Variants in VARS2 observed in about 807,000 individuals in gnomAD.
VARS2 encodes the protein valyl-tRNA synthetase 2, mitochondrial, also known as valine--tRNA ligase, mitochondrial.
VARS2 carries 105 observed loss-of-function variants against 154.1 expected under a neutral mutation model. That is an observed-to-expected ratio of 0.68 (90% CI 0.58 to 0.80). The LOEUF is 0.80. VARS2 is among the 30% of genes least tolerant of loss of function. VARS2 has a pLI of 0.00. For synonymous variants in VARS2, 483 were observed against 539.5 expected (o/e 0.90, Z 1.45); for missense variants, 1,157 against 1,361.4 (o/e 0.85, Z 2.36).
chr6:30,914,975 A>G lies in VARS2; in HGVS notation c.139A>G (p.Lys47Glu), dbSNP rs1381066402. Residue 47 changes from lysine (K) to glutamate (E), a missense_variant, in exon 2 of 30, where the codon AAA becomes GAA. Lys to Glu is a moderately conservative substitution (Grantham distance 56, BLOSUM62 1). Coordinates refer to ENST00000676266, the MANE Select transcript of VARS2 (RefSeq NM_020442.6). ...CATCTCCCGGAGGAACCGTGAAGCC[A>G]AACAGAAGCGCCTGCGAGAGAAGCA... ...SPISRRNREA[K>E]QKRLREKQAT... 2.5e-6 allele frequency: 4 copies of G among 1,613,072 alleles called. No individual in the cohort carries two copies. The highest frequency in any genetic ancestry group is 3.4e-6 in the Non-Finnish European group (4 of 1,180,050).
chr6:30,918,788 A>G, intron 10 of VARS2, 39 bp from the exon 11 acceptor site: 1 of 1,223,642 alleles, frequency 8.2e-7, no homozygotes, highest in Non-Finnish European at 1.2e-6. Flanking sequence ...AGAGGTGAGG[A>G]TGATGACCAG....
At chr6:30,922,652 T>C (rs1794596950) in intron 21 of VARS2, 54 bp from the exon 22 acceptor site, 1 of 1,591,034 alleles carries the variant, frequency 6.3e-7, no homozygotes, top group African/African-American at 1.3e-5. Flanking sequence ...GGTGTGACCC[T>C]TATAGAGGCA....
Position 30,921,398 on chromosome 6 carries a change from T to A in VARS2, c.1632+93T>A, listed in dbSNP as rs968074611. Reference sequence around the variant, plus strand: ...CGCAGGGCCAAGTCCCGCTCCTGCCTGGTCATGTGCTTCATGCTCATAGTC... The same window carrying A: ...CGCAGGGCCAAGTCCCGCTCCTGCCAGGTCATGTGCTTCATGCTCATAGTC... On this transcript the variant is annotated intron_variant, in intron 17 of 29. Coordinates refer to ENST00000676266, the MANE Select transcript of VARS2 (RefSeq NM_020442.6). This position sits in a 1 kb window ranked among gnomAD's most constrained non-coding sequence, Gnocchi z 4.6. The A allele has an allele frequency of 2.0e-6, 3 of 1,517,550 alleles. No individual in the cohort carries two copies. In the African/African-American group the frequency reaches 4.1e-5, roughly 21 times the overall value. The allele number at this position is 1,517,550 out of a possible 1,614,324, so 94.0% of individuals were successfully genotyped here.
chr6:30,921,430 C>A lies in VARS2; in HGVS notation c.1632+125C>A. 1 of 1,438,686 alleles carries A rather than the reference C, an allele frequency of 7.0e-7. No homozygotes were observed. The highest frequency in any genetic ancestry group is 1.4e-5 in the African/African-American group (1 of 71,462). The allele number at this position is 1,438,686 out of a possible 1,614,324, so 89.1% of individuals were successfully genotyped here. A position where few individuals can be genotyped will look rare whatever the true frequency, so the allele number is the denominator to read the frequency against. On this transcript the variant is annotated intron_variant, in intron 17 of 29. Transcript: ENST00000676266. This position sits in a 1 kb window ranked among gnomAD's most constrained non-coding sequence, Gnocchi z 4.6. ...GTGCTTCATGCTCATAGTCATGTAA[C>A]CTTCTGCGCGATCAAGGCTCCCTGA...
chr6:30,919,239 C>T lies in VARS2; in HGVS notation c.1074+324C>T, dbSNP rs1794356760. The T allele has an allele frequency of 8.0e-6, 2 of 250,430 alleles. No homozygotes were observed. Among genetic ancestry groups the T allele is most frequent in the East Asian group, 1.5e-4 (2 of 13,660 alleles). 15.5% of individuals were successfully genotyped at this position (250,430 alleles called of 1,614,324 possible). A position where few individuals can be genotyped will look rare whatever the true frequency, so the allele number is the denominator to read the frequency against. ...GTTCAAGCAATTCTCCTGCCTCAGC[C>T]TCCTGAGTAGCTGGGAGCGTGGCAC... On this transcript the variant is annotated intron_variant, in intron 11 of 29. Transcript: ENST00000676266. This position sits in a 1 kb window ranked among gnomAD's most constrained non-coding sequence, Gnocchi z 4.5.
chr6:30,921,880 A>G lies in VARS2; in HGVS notation c.1736-45A>G, dbSNP rs1794535096. 7 of 1,610,792 alleles carry G rather than the reference A, an allele frequency of 4.3e-6. No homozygotes were observed. The highest frequency in any genetic ancestry group is 1.3e-5 in the African/African-American group (1 of 74,874). ...GGTGGCAGCAGTGGTCTGAGGTCCT[A>G]GAAGCCAAGGTTCCAACTGTCCCCA... On this transcript the variant is annotated intron_variant, in intron 18 of 29. Coordinates refer to ENST00000676266, the MANE Select transcript of VARS2 (RefSeq NM_020442.6). The surrounding 1 kb of genome is among the most constrained non-coding windows in gnomAD (Gnocchi z 4.6).
intron 20 of VARS2, 31 bp from the exon 21 acceptor site, chr6:30,922,418 AC>A: frequency 1.2e-6 from 2 of 1,608,274 alleles, no homozygotes; most frequent in Non-Finnish European, 1.7e-6. Context: ...CTCCAAGGAA[AC>A]CCCCCTCTGT....
intron 24 of VARS2, 59 bp downstream of exon 24, chr6:30,923,290 G>A: frequency 6.2e-7 from 1 of 1,607,314 alleles, no homozygotes; most frequent in Non-Finnish European, 8.5e-7. Context: ...GGCCAAGGTG[G>A]CATCTGGAAG....
In VARS2 at chr6:30,921,647, C is replaced by G; in HGVS notation, c.1691C>G (p.Ala564Gly). 6.2e-7 allele frequency: 1 copy of G among 1,609,056 alleles called. No homozygotes were observed. Among genetic ancestry groups the G allele is most frequent in the Non-Finnish European group, 8.5e-7 (1 of 1,178,998 alleles). Residue 564 changes from alanine to glycine, a missense_variant, in exon 18 of 30, where the codon GCG becomes GGG. By Grantham distance (60) the Ala-to-Gly change is moderately conservative. Transcript: ENST00000676266. The surrounding 1 kb of genome is among the most constrained non-coding windows in gnomAD (Gnocchi z 4.6). ...GAGGCTGAGGCCAGAGAGGTAGCAG[C>G]GGAACTGACAGGGAGGCCAGGGGCA... is the stretch of plus-strand genomic sequence containing the variant. ...RSEAEAREVA[A>G]ELTGRPGAEL...
chr6:30,923,354 T>C lies in VARS2; in HGVS notation c.2315T>C (p.Leu772Pro). Reference protein sequence around the residue: ...EKFVPQPAEELSPSSPMDAWI... With the variant: ...EKFVPQPAEEPSPSSPMDAWI... ...CCATCCTGCCCCCTCTGCCTGCAGC[T>C]GTCTCCCTCCTCCCCGATGGATGCC... Residue 772 changes from leucine (L) to proline (P), a missense_variant and splice_region_variant, in exon 25 of 30, where the codon CTG becomes CCG. Coordinates refer to ENST00000676266, the MANE Select transcript of VARS2 (RefSeq NM_020442.6). The C allele has an allele frequency of 1.9e-6, 3 of 1,609,356 alleles. No individual in the cohort carries two copies. Among genetic ancestry groups the C allele is most frequent in the Non-Finnish European group, 1.7e-6 (2 of 1,177,358 alleles).
chr6:30,919,503 A>G lies in VARS2; in HGVS notation c.1075-255A>G, dbSNP rs1296092337. The G allele has an allele frequency of 2.7e-6, 1 of 365,758 alleles. No individual in the cohort carries two copies. Among genetic ancestry groups the G allele is most frequent in the Non-Finnish European group, 4.9e-6 (1 of 204,370 alleles). The allele number at this position is 365,758 out of a possible 1,614,324, so 22.7% of individuals were successfully genotyped here. A position where few individuals can be genotyped will look rare whatever the true frequency, so the allele number is the denominator to read the frequency against. ...CCTGGCTGCTTGCAGCCTTTATATT[A>G]TCTATGGCTGCTATTATATACCCTC... On this transcript the variant is annotated intron_variant, in intron 11 of 29. Coordinates refer to ENST00000676266, the MANE Select transcript of VARS2 (RefSeq NM_020442.6). The surrounding 1 kb of genome is among the most constrained non-coding windows in gnomAD (Gnocchi z 4.5).
Position 30,924,576 on chromosome 6 carries a change from CT to C in VARS2, c.2673+18del. On this transcript the variant is annotated intron_variant, in intron 26 of 29. Coordinates refer to ENST00000676266, the MANE Select transcript of VARS2 (RefSeq NM_020442.6). The stretch of plus-strand genomic sequence containing the variant: ...CTGCAGCTTGGTGAGTCCCAAGCAC[CT>C]TGGAGTGGGTCTGTGGGTGAATGGG... 6.8e-7 allele frequency: 1 copy of C among 1,466,564 alleles called. No individual in the cohort carries two copies. The highest frequency in any genetic ancestry group is 9.2e-7 in the Non-Finnish European group (1 of 1,087,024). 90.8% of individuals were successfully genotyped at this position (1,466,564 alleles called of 1,614,324 possible).
rs754245897 is a variant in VARS2 at position 30,914,843 on chromosome 6, C to G, written c.7C>G (p.His3Asp). 15 of 1,613,116 alleles carry G rather than the reference C, an allele frequency of 9.3e-6. No individual in the cohort carries two copies. Among genetic ancestry groups the G allele is most frequent in the Admixed American group, 1.7e-5 (1 of 60,034 alleles). Residue 3 changes from histidine (H) to aspartate (D), a missense_variant, in exon 2 of 30, where the codon CAT becomes GAT. By Grantham distance (81) the His-to-Asp change is moderately conservative. Transcript: ENST00000676266. ...CCCTTTCCAAACACTCCTGATGCCT[C>G]ATTTGCCTCTCGCCTCTTTTCGACC... MP[H>D]LPLASFRPPF...
At chr6:30,922,060 C>G in intron 19 of VARS2, 56 bp from the exon 20 acceptor site, 4 of 1,612,178 alleles carry the variant, frequency 2.5e-6, no homozygotes, top group Non-Finnish European at 3.4e-6. Flanking sequence ...TGGGCCCCCA[C>G]AGAGGCTTGA....
rs1235675441 is a variant in VARS2 at position 30,915,793 on chromosome 6, A to G, written c.432A>G (p.Pro144=). 1.9e-6 allele frequency: 3 copies of G among 1,613,284 alleles called. No individual in the cohort carries two copies. In the Admixed American group the frequency reaches 5.0e-5, roughly 27 times the overall value. ...GGGAGACCTTTTCCATGTGTATCCCACCTCCCAATGTCACTGGCTCCCTGC... is the reference window on the plus strand; with the variant it reads ...GGGAGACCTTTTCCATGTGTATCCCGCCTCCCAATGTCACTGGCTCCCTGC... The part of the protein sequence containing the change: ...ATGETFSMCI[P]PPNVTGSLHI... The change falls in exon 5 of 30, where the codon CCA becomes CCG. Residue 144 remains proline, a synonymous_variant. Coordinates refer to ENST00000676266, the MANE Select transcript of VARS2 (RefSeq NM_020442.6).
Position 30,917,230 on chromosome 6 carries a change from G to A in VARS2, c.873+6G>A. On this transcript the variant is annotated splice_donor_region_variant and intron_variant, in intron 9 of 29. Coordinates refer to ENST00000676266, the MANE Select transcript of VARS2 (RefSeq NM_020442.6). The surrounding 1 kb of genome is among the most constrained non-coding windows in gnomAD (Gnocchi z 4.4). Reference sequence around the variant, plus strand: ...CAGCCATCTCGGACATTGAGGTGAGGCGGAGAGAGGGAAGCAGGTTTGTGA... The same window carrying A: ...CAGCCATCTCGGACATTGAGGTGAGACGGAGAGAGGGAAGCAGGTTTGTGA... 2 of 1,614,116 alleles carry A rather than the reference G, an allele frequency of 1.2e-6. No homozygotes were observed. The highest frequency in any genetic ancestry group is 1.7e-6 in the Non-Finnish European group (2 of 1,180,030).
intron 19 of VARS2, 29 bp downstream of exon 19, chr6:30,922,024 A>T (rs1449987442): frequency 1.9e-6 from 3 of 1,612,734 alleles, no homozygotes; most frequent in Non-Finnish European, 2.5e-6. Flanking sequence ...GCGAAAGTGA[A>T]GGGGAAACGA....
In VARS2 at chr6:30,915,426, C is replaced by G; in HGVS notation, c.355C>G (p.Arg119Gly). The G allele has an allele frequency of 6.2e-7, 1 of 1,614,104 alleles. No homozygotes were observed. The highest frequency in any genetic ancestry group is 8.5e-7 in the Non-Finnish European group (1 of 1,180,014). Reference sequence around the variant, plus strand: ...GGCTGCCTGGTACCCGTGGTGGGTACGAGAGGGCTTCTTCAAACCAGAATA... The same window carrying G: ...GGCTGCCTGGTACCCGTGGTGGGTAGGAGAGGGCTTCTTCAAACCAGAATA... Reference protein sequence around the residue: ...VEAAWYPWWVREGFFKPEYQA... With the variant: ...VEAAWYPWWVGEGFFKPEYQA... The change falls in exon 4 of 30, where the codon CGA (arginine) becomes GGA (glycine). Residue 119 changes from arginine (R) to glycine (G), a missense_variant. Transcript: ENST00000676266.
intron 28 of VARS2, 31 bp from the exon 29 acceptor site, chr6:30,925,849 G>A: frequency 6.2e-7 from 1 of 1,611,846 alleles, no homozygotes; most frequent in Non-Finnish European, 8.5e-7. Flanking sequence ...GCAGGCGGAT[G>A]TCTGAGCCTT....
Sources: gnomAD v4.1 joint callset for allele counts on GRCh38, gnomAD v4.1.1 for gene constraint, Gnocchi (gnomAD v3.1) non-coding constraint, MANE v1.5 for transcripts, NCBI Gene and HGNC (gene_info 2026-07-23, HGNC 2026-07-21) for gene names.